The following CAMK4 variants were observed in gnomAD, a reference collection of about 807,000 sequenced individuals.
CAMK4 encodes the protein calcium/calmodulin dependent protein kinase IV.
A neutral mutation model predicts 44.9 loss-of-function variants in CAMK4; 22 were observed. The ratio of observed to expected loss-of-function variants is 0.49; its 90% CI spans 0.35 to 0.70. The LOEUF (loss-of-function observed/expected upper bound fraction) is 0.70, where lower values mean the gene tolerates loss of function less well. Ranked by LOEUF, CAMK4 falls within the 30% of genes least tolerant of loss-of-function variation. The pLI, the probability that CAMK4 is intolerant of heterozygous loss-of-function variation, is 0.01. For missense variants in CAMK4, 498 were observed against 586.8 expected, an observed-to-expected ratio of 0.85 and a Z score of 1.56; for synonymous variants, 218 against 215.4, an observed-to-expected ratio of 1.01 and a Z score of -0.11.
Position 111,482,731 on chromosome 5 carries a change from A to G in CAMK4, c.829-54A>G, listed in dbSNP as rs1170924814. ...ATCTGGAAGTTTGTAAGCTGAGGGC[A>G]AGCCCAGGTCATCCTAAAAACCTCG... On this transcript the variant is annotated intron_variant, in intron 9 of 10. Coordinates refer to ENST00000282356, the MANE Select transcript of CAMK4 (RefSeq NM_001744.6). This position sits in a 1 kb window ranked among gnomAD's most constrained non-coding sequence, Gnocchi z 4.9. The G allele has an allele frequency of 1.6e-5, 23 of 1,424,200 alleles. No homozygotes were observed. Among genetic ancestry groups the G allele is most frequent in the Non-Finnish European group, 2.2e-5 (23 of 1,038,390 alleles). The allele number at this position is 1,424,200 out of a possible 1,614,324, so 88.2% of individuals were successfully genotyped here.
intron 7 of CAMK4, among the ~76,000 whole-genome samples, chr5:111,451,870 G>A (rs1754249691): frequency 6.6e-6 from 1 of 152,162 alleles, no homozygotes; most frequent in Admixed American, 6.5e-5. Flanking sequence ...CTGCATTCCA[G>A]CCTGGGCAAT....
intron 7 of CAMK4, among the ~76,000 whole-genome samples, chr5:111,465,895 C>G (rs1024979766): frequency 6.6e-6 from 1 of 151,874 alleles, no homozygotes; most frequent in African/African-American, 2.4e-5. Context: ...AGGACATAAC[C>G]AAAAAGAAAA....
intron 1 of CAMK4, among the ~76,000 whole-genome samples, chr5:111,245,436 C>T (rs541224663): frequency 6.6e-6 from 1 of 152,198 alleles, no homozygotes; most frequent in Non-Finnish European, 1.5e-5. Context: ...TATTCACATG[C>T]CTATATCTAA....
chr5:111,302,784 TG>T (rs1747788922), intron 1 of CAMK4, among the ~76,000 whole-genome samples: 1 of 70,864 alleles, frequency 1.4e-5, no homozygotes, highest in African/African-American at 7.4e-5. Context: ...GCTCCACCTC[TG>T]GGGGCAGGGC....
chr5:111,369,824 G>A (rs1208770383), intron 2 of CAMK4, among the ~76,000 whole-genome samples: 1 of 152,100 alleles, frequency 6.6e-6, no homozygotes, highest in African/African-American at 2.4e-5. Context: ...CACCTAATAT[G>A]TAAATGCTAT....
At chr5:111,371,794 C>A (rs436175) in intron 2 of CAMK4, among the ~76,000 whole-genome samples, 133,509 of 152,210 alleles carry the variant, frequency 0.88, 58,777 homozygotes, top group East Asian at 1. Context: ...TTATTTATCC[C>A]AGTTTCTATT....
chr5:111,224,267 G>T (rs372340803), upstream of CAMK4: 6 of 474,734 alleles, frequency 1.3e-5, no homozygotes, highest in Non-Finnish European at 2.0e-5. This position sits in a 1 kb window ranked among gnomAD's most constrained non-coding sequence, Gnocchi z 5.7. Context: ...TCCAGCGGGC[G>T]GCGACTCCGG....
At chr5:111,480,249 A>AACACACACACAC (rs532395570) in intron 9 of CAMK4, among the ~76,000 whole-genome samples, 7,774 of 121,142 alleles carry the variant, frequency 0.064, 386 homozygotes, top group South Asian at 0.082. Context: ...TAGGCATGTA[A>AACACACACACAC]ACACACACAC....
intron 7 of CAMK4, among the ~76,000 whole-genome samples, chr5:111,458,264 C>G (rs1373802576): frequency 6.6e-6 from 1 of 152,154 alleles, no homozygotes; most frequent in Non-Finnish European, 1.5e-5. Flanking sequence ...GAAGGGTCAT[C>G]CAGAGCTCAT....
At position 111,308,741 on chromosome 5, in the gene CAMK4, G is replaced by C. The variant is rs58951777; in HGVS notation, c.162-35283G>C. Among the ~76,000 whole-genome samples, 879 of 152,172 alleles carry C rather than the reference G, an allele frequency of 5.8e-3. 7 individuals are homozygous for C. The highest frequency in any genetic ancestry group is 0.02 in the African/African-American group (842 of 41,514). On this transcript the variant is annotated intron_variant, in intron 1 of 10. Transcript: ENST00000282356. ...TGGAAAACAATAGCTTATTACCGGA[G>C]CTTTAGCCCTAAATACTGAATTCGT... is the stretch of plus-strand genomic sequence containing the variant.
chr5:111,376,998 A>T, intron 4 of CAMK4, 56 bp downstream of exon 4: 1 of 1,078,542 alleles, frequency 9.3e-7, no homozygotes, highest in Admixed American at 2.0e-5. Context: ...CCACCAAAAA[A>T]TAATCTAAAG....
intron 1 of CAMK4, among the ~76,000 whole-genome samples, chr5:111,286,868 G>A (rs1751256697): frequency 6.6e-6 from 1 of 152,134 alleles, no homozygotes; most frequent in African/African-American, 2.4e-5. Flanking sequence ...TTGCTTAATG[G>A]TTGAACTTCT....
chr5:111,300,640 GT>G (rs758814615), intron 1 of CAMK4, among the ~76,000 whole-genome samples: 22 of 152,108 alleles, frequency 1.4e-4, no homozygotes, highest in Non-Finnish European at 3.1e-4. Context: ...GAATAAATGA[GT>G]TTTTTCCTTC....
At chr5:111,465,962 C>T (rs991371160) in intron 7 of CAMK4, among the ~76,000 whole-genome samples, 1 of 152,180 alleles carries the variant, frequency 6.6e-6, no homozygotes, top group African/African-American at 2.4e-5. Flanking sequence ...AAAATACCAG[C>T]TAACCTAATT....
intron 1 of CAMK4, among the ~76,000 whole-genome samples, chr5:111,247,938 T>C (rs566721371): frequency 2.0e-5 from 3 of 152,316 alleles, no homozygotes; most frequent in Admixed American, 1.3e-4. Context: ...TAAGGATTGC[T>C]CTAGAATTTT....
chr5:111,295,750 C>T (rs1048685561), intron 1 of CAMK4, among the ~76,000 whole-genome samples: 2 of 152,054 alleles, frequency 1.3e-5, no homozygotes, highest in African/African-American at 4.8e-5. Flanking sequence ...CCTTCTTATC[C>T]CCACTGTTGT....
intron 5 of CAMK4, among the ~76,000 whole-genome samples, chr5:111,420,641 G>A (rs893199893): frequency 1.3e-5 from 2 of 152,128 alleles, no homozygotes; most frequent in Non-Finnish European, 2.9e-5. Context: ...TAAAAGACAG[G>A]CACACCTGAG....
chr5:111,386,434 C>A (rs772651034), intron 4 of CAMK4, among the ~76,000 whole-genome samples: 9 of 152,104 alleles, frequency 5.9e-5, no homozygotes, highest in Non-Finnish European at 1.0e-4. Flanking sequence ...GAAAAAGCTG[C>A]GAGTGGTGGG....
At chr5:111,367,370 A>G (rs1750831440) in intron 2 of CAMK4, among the ~76,000 whole-genome samples, 1 of 151,774 alleles carries the variant, frequency 6.6e-6, no homozygotes, top group South Asian at 2.1e-4. Flanking sequence ...TGACTTAATC[A>G]TCTCCTAAAG....
Sources: gnomAD v4.1 joint callset for allele counts (sites outside exome capture counted in the v4.1 genomes callset) on GRCh38, gnomAD v4.1.1 for gene constraint, Gnocchi (gnomAD v3.1) non-coding constraint, MANE v1.5 for transcripts, NCBI Gene and HGNC (gene_info 2026-07-23, HGNC 2026-07-21) for gene names.